Variants in TENM3 observed in about 807,000 individuals in gnomAD.
TENM3 encodes the protein teneurin transmembrane protein 3.
In TENM3, 63 loss-of-function variants were observed where a neutral mutation model predicts 255.1. That is an observed-to-expected ratio of 0.25 (90% confidence interval 0.20 to 0.30). The LOEUF is 0.30. Among genes scored for constraint, TENM3 ranks in the 10% least tolerant of loss-of-function variants. The probability of loss-of-function intolerance (pLI) is 1.00; values close to 1 mark genes in which losing one functional copy is unlikely to be tolerated. For synonymous variants in TENM3, 1,306 were observed against 1,322.3 expected (o/e 0.99, Z 0.27); for missense variants, 2,929 against 3,461.1 (o/e 0.85, Z 3.86).
At chr4:182,343,780 A>T (rs992104129) in intron 2 of TENM3, among the ~76,000 whole-genome samples, 1 of 152,178 alleles carries the variant, frequency 6.6e-6, no homozygotes, top group Non-Finnish European at 1.5e-5. Flanking sequence ...GCAAGAAATA[A>T]TCGAATAGAC....
At chr4:181,598,910 C>T in the TENM3 span, among the ~76,000 whole-genome samples, 1 of 152,050 alleles carries the variant, frequency 6.6e-6, no homozygotes, top group African/African-American at 2.4e-5. Context: ...AATATTATAG[C>T]TCTGGTGAAA....
At chr4:181,560,938 T>C in the TENM3 span, among the ~76,000 whole-genome samples, 2 of 152,168 alleles carry the variant, frequency 1.3e-5, no homozygotes. Flanking sequence ...TCCCACAAGT[T>C]AATAATTTTT....
the TENM3 span, among the ~76,000 whole-genome samples, chr4:181,539,233 G>A: frequency 1.9e-3 from 292 of 152,322 alleles, 2 homozygotes; most frequent in African/African-American, 3.0e-3. Flanking sequence ...GGAGTTGAAT[G>A]AGCCTATATA....
chr4:182,648,470 T>A (rs1581206279), intron 5 of TENM3, among the ~76,000 whole-genome samples: 1 of 151,996 alleles, frequency 6.6e-6, no homozygotes, highest in African/African-American at 2.4e-5. Flanking sequence ...TAGTAGAGAC[T>A]GGGTTTTGCC....
the TENM3 span, among the ~76,000 whole-genome samples, chr4:181,814,441 T>C: frequency 6.6e-6 from 1 of 152,136 alleles, no homozygotes; most frequent in African/African-American, 2.4e-5. Flanking sequence ...ATAAACCTCT[T>C]TCAAGATTGG....
At chr4:182,076,784 G>A in the TENM3 span, among the ~76,000 whole-genome samples, 65 of 152,102 alleles carry the variant, frequency 4.3e-4, no homozygotes, top group African/African-American at 1.4e-3. Context: ...GATCTCTGTG[G>A]CAACTACTCA....
intron 2 of TENM3, 61 bp from the exon 3 acceptor site, chr4:182,346,584 AAAAAAG>A (rs1460238036): frequency 1.4e-6 from 2 of 1,392,912 alleles, no homozygotes; most frequent in Non-Finnish European, 1.9e-6. Context: ...TTAAAAAAAA[AAAAAAG>A]AAAAGAAACT....
chr4:181,860,926 A>G, the TENM3 span, among the ~76,000 whole-genome samples: 1 of 152,214 alleles, frequency 6.6e-6, no homozygotes, highest in African/African-American at 2.4e-5. Flanking sequence ...CTTAATAAAA[A>G]GTATACTCAA....
the TENM3 span, among the ~76,000 whole-genome samples, chr4:181,741,241 C>G: frequency 6.6e-6 from 1 of 152,154 alleles, no homozygotes; most frequent in Admixed American, 6.5e-5. Flanking sequence ...TATACCTCAA[C>G]AAGCCATGGT....
At chr4:182,479,759 T>A (rs1734018008) in intron 3 of TENM3, among the ~76,000 whole-genome samples, 1 of 152,026 alleles carries the variant, frequency 6.6e-6, no homozygotes, top group Non-Finnish European at 1.5e-5. Context: ...TCTACGTAAC[T>A]TCAAAATTAG....
intron 1 of TENM3, among the ~76,000 whole-genome samples, chr4:182,268,830 C>T (rs1340764091): frequency 6.6e-6 from 1 of 152,138 alleles, no homozygotes; most frequent in Non-Finnish European, 1.5e-5. Flanking sequence ...AGCATATCAT[C>T]AAGAAATAAC....
the TENM3 span, among the ~76,000 whole-genome samples, chr4:182,050,001 A>AT: frequency 0.6 from 90,950 of 150,474 alleles, 30,597 homozygotes; most frequent in East Asian, 0.77. Context: ...TTAAAAAAAA[A>AT]TTTTTTTTTG....
chr4:182,316,310 C>T (rs985228746), intron 1 of TENM3, among the ~76,000 whole-genome samples: 1 of 152,118 alleles, frequency 6.6e-6, no homozygotes, highest in East Asian at 1.9e-4. Flanking sequence ...AATTATTCCC[C>T]GCAACTGAAG....
intron 1 of TENM3, among the ~76,000 whole-genome samples, chr4:182,255,699 G>A (rs559828098): frequency 6.6e-6 from 1 of 152,298 alleles, no homozygotes; most frequent in South Asian, 2.1e-4. Flanking sequence ...AGGTCACACA[G>A]CCTGCCAGAA....
At chr4:182,483,747 A>G (rs540536363) in intron 3 of TENM3, among the ~76,000 whole-genome samples, 1 of 152,232 alleles carries the variant, frequency 6.6e-6, no homozygotes, top group Admixed American at 6.5e-5. Context: ...CACAGGCTGT[A>G]CAGGAAGTAT....
Position 182,714,202 on chromosome 4 carries a change from T to G in TENM3, c.2337T>G (p.Thr779=). 1 of 1,613,008 alleles carries G rather than the reference T, an allele frequency of 6.2e-7. No homozygotes were observed. Among genetic ancestry groups the G allele is most frequent in the Non-Finnish European group, 8.5e-7 (1 of 1,179,766 alleles). ...CAGGCTGTGACGTAGCCATGGAGAC[T>G]CTTTGCACAGATAGCAAGGACAATG... ...RGAGCDVAME[T]LCTDSKDNEG... is the part of the protein sequence containing the mutation. Residue 779 remains threonine, a synonymous_variant, in exon 13 of 28, where the codon ACT becomes ACG. Coordinates refer to ENST00000511685, the MANE Select transcript of TENM3 (RefSeq NM_001080477.4).
the TENM3 span, among the ~76,000 whole-genome samples, chr4:181,728,974 GTTAT>G: frequency 6.6e-5 from 10 of 152,066 alleles, no homozygotes; most frequent in South Asian, 8.3e-4. Context: ...CAAATGAGAA[GTTAT>G]TCATTCAGTA....
the TENM3 span, among the ~76,000 whole-genome samples, chr4:181,764,538 G>A: frequency 6.6e-6 from 1 of 152,128 alleles, no homozygotes; most frequent in South Asian, 2.1e-4. Context: ...TGGTTACTGT[G>A]GTTGGTAAAT....
Position 182,545,840 on chromosome 4 carries a change from G to A in TENM3, c.512-55084G>A, listed in dbSNP as rs192071229. 2.6e-5 allele frequency among the ~76,000 whole-genome samples: 4 copies of A among 152,186 alleles called. No individual in the cohort carries two copies. In the East Asian group the frequency reaches 5.8e-4, roughly 22 times the overall value. On this transcript the variant is annotated intron_variant, in intron 3 of 27. Coordinates refer to ENST00000511685, the MANE Select transcript of TENM3 (RefSeq NM_001080477.4). ...CTTTTCATAGGAATTACAGTTGACC[G>A]TTGAACAATTAGGGGGCTAGAGGTG...
Sources: allele counts gnomAD v4.1 joint callset (sites outside exome capture counted in the v4.1 genomes callset), GRCh38; gene constraint gnomAD v4.1.1; transcripts MANE v1.5; gene names NCBI Gene and HGNC (gene_info 2026-07-23, HGNC 2026-07-21).